Variants in SEM1 observed in about 807,000 individuals in gnomAD.
SEM1 encodes the protein 26S proteasome complex subunit SEM1.
A neutral mutation model predicts 12.7 loss-of-function variants in SEM1; 3 were observed. The observed-to-expected ratio is 0.24, with a 90% confidence interval of 0.11 to 0.61. SEM1 has a LOEUF of 0.61. Ranked by LOEUF, SEM1 falls within the 20% of genes least tolerant of loss-of-function variation. The pLI is 0.88. For missense variants in SEM1, 59 were observed against 81.3 expected, an observed-to-expected ratio of 0.73 and a Z score of 1.06; for synonymous variants, 30 against 27.8, an observed-to-expected ratio of 1.08 and a Z score of -0.25.
At chr7:96,485,584 C>T (rs570138267) in intron 2 of SEM1, among the ~76,000 whole-genome samples, 7 of 126,746 alleles carry the variant, frequency 5.5e-5, no homozygotes, top group African/African-American at 2.1e-4. Context: ...ACTCTATTGC[C>T]CAGGCTGGAG....
intron 1 of SEM1, among the ~76,000 whole-genome samples, chr7:96,702,854 T>C (rs1046871776): frequency 6.6e-6 from 1 of 152,196 alleles, no homozygotes. Flanking sequence ...GACTACAATG[T>C]AGAACTTCTA....
chr7:96,686,330 A>G (rs923099265), downstream of SEM1, among the ~76,000 whole-genome samples: 1 of 152,160 alleles, frequency 6.6e-6, no homozygotes, highest in African/African-American at 2.4e-5. Flanking sequence ...CTAAATTTTG[A>G]TATTTAATTA....
intron 2 of SEM1, among the ~76,000 whole-genome samples, chr7:96,654,899 A>T (rs1246509767): frequency 3.9e-5 from 6 of 152,056 alleles, no homozygotes; most frequent in African/African-American, 1.2e-4. Context: ...CAGGTGTATG[A>T]TGTCGCAAGC....
At chr7:96,527,424 C>G (rs903121885) in intron 2 of SEM1, among the ~76,000 whole-genome samples, 2 of 152,092 alleles carry the variant, frequency 1.3e-5, no homozygotes, top group African/African-American at 4.8e-5. Context: ...TTTTTGTGTA[C>G]CAGGGTGCGG....
intron 2 of SEM1, among the ~76,000 whole-genome samples, chr7:96,507,533 A>T (rs1262456963): frequency 6.6e-6 from 1 of 152,068 alleles, no homozygotes; most frequent in Non-Finnish European, 1.5e-5. Flanking sequence ...CCCAGGCAAG[A>T]TGACCATTCT....
downstream of SEM1, chr7:96,672,712 A>G (rs190907656): frequency 6.6e-6 from 1 of 152,342 alleles, no homozygotes; most frequent in East Asian, 1.9e-4. Context: ...TTAGCATACT[A>G]TATGCATACC....
downstream of SEM1, chr7:96,687,823 T>C (rs1224499600): frequency 6.6e-6 from 1 of 152,028 alleles, no homozygotes; most frequent in Non-Finnish European, 1.5e-5. Flanking sequence ...CACTTATCCA[T>C]TCAAAACTTT....
At chr7:96,588,393 C>CG (rs1369380828) in intron 2 of SEM1, among the ~76,000 whole-genome samples, 75 of 64,564 alleles carry the variant, frequency 1.2e-3, no homozygotes, top group African/African-American at 3.4e-3. Context: ...CACACACACA[C>CG]ACACGAGAGA....
At chr7:96,534,787 C>G (rs540141291) in intron 2 of SEM1, among the ~76,000 whole-genome samples, 9 of 152,056 alleles carry the variant, frequency 5.9e-5, no homozygotes, top group African/African-American at 2.2e-4. Context: ...AAGAGATTTA[C>G]AAAAATAAAA....
intron 2 of SEM1, among the ~76,000 whole-genome samples, chr7:96,595,219 T>C (rs1806957685): frequency 6.6e-6 from 1 of 152,050 alleles, no homozygotes; most frequent in Non-Finnish European, 1.5e-5. Context: ...TTTCTCTATA[T>C]AAAAATAGTT....
chr7:96,531,035 GC>G (rs1183668579), intron 2 of SEM1, among the ~76,000 whole-genome samples: 1 of 152,050 alleles, frequency 6.6e-6, no homozygotes, highest in African/African-American at 2.4e-5. Context: ...ATAGAATTTA[GC>G]TATGGGGGAA....
chr7:96,513,456 G>A (rs1803992886), intron 2 of SEM1, among the ~76,000 whole-genome samples: 1 of 152,076 alleles, frequency 6.6e-6, no homozygotes, highest in South Asian at 2.1e-4. Flanking sequence ...AGAAATAAAA[G>A]GGGAAACTTT....
intron 2 of SEM1, among the ~76,000 whole-genome samples, chr7:96,674,600 A>G (rs998575978): frequency 6.6e-6 from 1 of 152,142 alleles, no homozygotes; most frequent in African/African-American, 2.4e-5. Flanking sequence ...TCGGGAGGTC[A>G]AGACAGCCGT....
chr7:96,504,870 C>G (rs1436651093), intron 3 of SEM1, among the ~76,000 whole-genome samples: 1 of 151,590 alleles, frequency 6.6e-6, no homozygotes, highest in East Asian at 2.0e-4. Context: ...TTGTAATTTA[C>G]TTGTTGAAGA....
chr7:96,489,612 C>G (rs1802921850), intron 1 of SEM1, among the ~76,000 whole-genome samples: 2 of 152,176 alleles, frequency 1.3e-5, no homozygotes, highest in South Asian at 4.1e-4. Flanking sequence ...TTACCTCAAA[C>G]TGAGTGGCTT....
exon 4 of SEM1, chr7:96,481,886 TACA>T (rs1244745872): frequency 5.9e-5 from 9 of 152,322 alleles, no homozygotes; most frequent in African/African-American, 2.2e-4. Context: ...ATGTTAATAT[TACA>T]ACATGTTCCT....
chr7:96,631,206 TTAGGGCTTGCC>T (rs1808248654), intron 2 of SEM1, among the ~76,000 whole-genome samples: 1 of 152,076 alleles, frequency 6.6e-6, no homozygotes. Flanking sequence ...CAGTTCAGCA[TTAGGGCTTGCC>T]TAGGAGTTGT....
At chr7:96,614,719 T>C (rs906893345) in intron 2 of SEM1, among the ~76,000 whole-genome samples, 11 of 152,246 alleles carry the variant, frequency 7.2e-5, no homozygotes, top group Non-Finnish European at 1.6e-4. Flanking sequence ...CATCTCCTTC[T>C]GCACATGCTA....
At chr7:96,659,262 C>T (rs1031879310) in intron 2 of SEM1, among the ~76,000 whole-genome samples, 3 of 152,036 alleles carry the variant, frequency 2.0e-5, no homozygotes, top group African/African-American at 7.2e-5. Flanking sequence ...TGAAAAGCAA[C>T]AGGAAATAAA....
Sources: allele counts gnomAD v4.1 joint callset (sites outside exome capture counted in the v4.1 genomes callset), GRCh38; gene constraint gnomAD v4.1.1; transcripts MANE v1.5; gene names NCBI Gene and HGNC (gene_info 2026-07-23, HGNC 2026-07-21).